CHMP5: variants seen among roughly 807,000 people sequenced by gnomAD.
CHMP5 encodes charged multivesicular body protein 5, also known as SNF7 domain containing 2.
A neutral mutation model predicts 33.0 loss-of-function variants in CHMP5; 17 were observed. The observed-to-expected ratio is 0.52, with a 90% CI of 0.35 to 0.77. CHMP5 has a LOEUF of 0.77. Ranked by LOEUF, CHMP5 falls within the 30% of genes least tolerant of loss-of-function variation. The probability of loss-of-function intolerance (pLI) is 0.01; values close to 1 mark genes in which losing one functional copy is unlikely to be tolerated. For missense variants in CHMP5, 216 were observed against 261.5 expected (o/e 0.83, Z 1.20); for synonymous variants, 76 against 90.2 (o/e 0.84, Z 0.89).
intron 3 of CHMP5, among the ~76,000 whole-genome samples, chr9:33,268,754 A>G (rs915836539): frequency 6.6e-6 from 1 of 152,236 alleles, no homozygotes; most frequent in African/African-American, 2.4e-5. Flanking sequence ...TGGAAAATAC[A>G]TAAATATGAA....
intron 2 of CHMP5, among the ~76,000 whole-genome samples, chr9:33,267,131 G>T (rs1820736641): frequency 6.6e-6 from 1 of 152,208 alleles, no homozygotes; most frequent in South Asian, 2.1e-4. Context: ...TATGAGTTAT[G>T]ATCATCTGTG....
chr9:33,278,735 C>G (rs1820885339), intron 7 of CHMP5, among the ~76,000 whole-genome samples: 1 of 151,372 alleles, frequency 6.6e-6, no homozygotes, highest in Non-Finnish European at 1.5e-5. Context: ...TAGAAAGATT[C>G]TAATTTAAGG....
intron 5 of CHMP5, among the ~76,000 whole-genome samples, chr9:33,273,039 G>A (rs1235672044): frequency 1.3e-5 from 2 of 151,654 alleles, no homozygotes; most frequent in East Asian, 3.9e-4. Flanking sequence ...GTGTGATCTC[G>A]GCTCACTGCA....
rs764527437 is a variant in CHMP5 at position 33,276,601 on chromosome 9, G to A, written c.496+37G>A. The A allele has an allele frequency of 3.0e-5, 35 of 1,161,898 alleles. No individual in the cohort carries two copies. The South Asian group carries it at 4.4e-4, about 15-fold the overall frequency. The allele number at this position is 1,161,898 out of a possible 1,614,324, so 72.0% of individuals were successfully genotyped here. A position where few individuals can be genotyped will look rare whatever the true frequency, so the allele number is the denominator to read the frequency against. On this transcript the variant is annotated intron_variant, in intron 6 of 7. Coordinates refer to ENST00000223500, the MANE Select transcript of CHMP5 (RefSeq NM_016410.6). ...GAAAAGTAATGTATATTTAGTTTTG[G>A]AGTCCAAAAGCAACAGCTGCCTGGG...
chr9:33,280,112 G>A (rs1043777901), intron 7 of CHMP5, among the ~76,000 whole-genome samples: 1 of 151,970 alleles, frequency 6.6e-6, no homozygotes, highest in African/African-American at 2.4e-5. Flanking sequence ...AAGTAGCTGA[G>A]ATTACAGGCA....
intron 5 of CHMP5, among the ~76,000 whole-genome samples, chr9:33,274,299 C>T (rs986040635): frequency 2.6e-5 from 4 of 152,094 alleles, no homozygotes; most frequent in African/African-American, 9.7e-5. Context: ...GTCCCAAACT[C>T]CTGAGCTCAA....
In CHMP5 at chr9:33,280,964, C is replaced by G; in HGVS notation, c.*105C>G. 2.3e-6 allele frequency: 2 copies of G among 880,610 alleles called. No homozygotes were observed. The highest frequency in any genetic ancestry group is 3.4e-6 in the Non-Finnish European group (2 of 581,008). 54.5% of individuals were successfully genotyped at this position (880,610 alleles called of 1,614,324 possible). A position where few individuals can be genotyped will look rare whatever the true frequency, so the allele number is the denominator to read the frequency against. On this transcript the variant is annotated 3_prime_UTR_variant, in exon 8 of 8. Coordinates refer to ENST00000223500, the MANE Select transcript of CHMP5 (RefSeq NM_016410.6). The stretch of plus-strand genomic sequence containing the variant: ...TAACAGATTTAGGTTTCTTTCCTTT[C>G]TTTGAAGGAAAGTTTAATTACATTG...
chr9:33,279,534 A>G (rs536423906), intron 7 of CHMP5, among the ~76,000 whole-genome samples: 12 of 152,134 alleles, frequency 7.9e-5, no homozygotes, highest in South Asian at 4.1e-4. Flanking sequence ...TTTTATTAAT[A>G]CTACCATAGT....
At position 33,265,113 on chromosome 9, in the gene CHMP5, C is replaced by T. The variant is rs763547901; in HGVS notation, c.35C>T (p.Ala12Val). 2.5e-5 allele frequency: 41 copies of T among 1,614,092 alleles called. No individual in the cohort carries two copies. Among genetic ancestry groups the T allele is most frequent in the Non-Finnish European group, 3.5e-5 (41 of 1,180,034 alleles). ...NRLFGKAKPK[A>V]PPPSLTDCIG... ...CTCTTCGGGAAAGCGAAACCCAAGG[C>T]TCCGCCGCCCAGCCTGACTGACTGC... The change falls in exon 1 of 8, where the codon GCT becomes GTT. Residue 12 changes from alanine (A) to valine (V), a missense_variant. Physicochemically the swap from Ala to Val is moderately conservative, Grantham distance 64. Coordinates refer to ENST00000223500, the MANE Select transcript of CHMP5 (RefSeq NM_016410.6).
chr9:33,265,146 C>T lies in CHMP5; in HGVS notation c.68C>T (p.Thr23Met). The change falls in exon 1 of 8, where the codon ACG becomes ATG. Residue 23 changes from threonine (T) to methionine (M), a missense_variant and splice_region_variant. Physicochemically the swap from Thr to Met is moderately conservative, Grantham distance 81. Coordinates refer to ENST00000223500, the MANE Select transcript of CHMP5 (RefSeq NM_016410.6). ...PPPSLTDCIG[T>M]VDSRAESIDK... ...CCCAGCCTGACTGACTGCATTGGCACGGTGGGCATTTGATCATGCATAAGT... is the reference window on the plus strand; with the variant it reads ...CCCAGCCTGACTGACTGCATTGGCATGGTGGGCATTTGATCATGCATAAGT... 1.2e-6 allele frequency: 2 copies of T among 1,614,074 alleles called. No homozygotes were observed. The highest frequency in any genetic ancestry group is 1.7e-6 in the Non-Finnish European group (2 of 1,179,960).
chr9:33,282,053 AAACATTTAGG>A lies in CHMP5; in HGVS notation c.*1199_*1208del, dbSNP rs1242721429. ...TCATGTGTCTGCAGATCAAACCAAT[AAACATTTAGG>A]AACACCAGCTTTGTAGAAGTCTCTG... On this transcript the variant is annotated 3_prime_UTR_variant, in exon 8 of 8. Coordinates refer to ENST00000223500, the MANE Select transcript of CHMP5 (RefSeq NM_016410.6). The A allele has an allele frequency of 2.6e-5, 4 of 152,180 alleles. No homozygotes were observed. 9.4% of individuals were successfully genotyped at this position (152,180 alleles called of 1,614,324 possible).
At position 33,280,939 on chromosome 9, in the gene CHMP5, TA is replaced by T; in HGVS notation, c.*82del. 2 of 1,248,198 alleles carry T rather than the reference TA, an allele frequency of 1.6e-6. No homozygotes were observed. The highest frequency in any genetic ancestry group is 2.9e-5 in the South Asian group (2 of 68,600). The allele number at this position is 1,248,198 out of a possible 1,614,324, so 77.3% of individuals were successfully genotyped here. On this transcript the variant is annotated 3_prime_UTR_variant, in exon 8 of 8. Transcript: ENST00000223500. ...AATATTTATCTTTCCAAATTTGCCA[TA>T]ACAGATTTAGGTTTCTTTCCTTTCT...
chr9:33,267,855 T>C lies in CHMP5; in HGVS notation c.177T>C (p.Asn59=). 6.2e-7 allele frequency: 1 copy of C among 1,608,322 alleles called. No individual in the cohort carries two copies. The highest frequency in any genetic ancestry group is 8.5e-7 in the Non-Finnish European group (1 of 1,174,912). ...IKKMREGPAK[N]MVKQKALRVL... is the part of the protein sequence containing the mutation. ...ATTAAATCTGTTTTTCTCTCCAGAATATGGTCAAGCAGAAAGCCTTGCGAG... is the reference window on the plus strand; with the variant it reads ...ATTAAATCTGTTTTTCTCTCCAGAACATGGTCAAGCAGAAAGCCTTGCGAG... Residue 59 remains asparagine (N), a splice_region_variant and synonymous_variant, in exon 3 of 8, where the codon AAT becomes AAC. Coordinates refer to ENST00000223500, the MANE Select transcript of CHMP5 (RefSeq NM_016410.6).
chr9:33,273,272 A>ATT (rs11294477), intron 5 of CHMP5, among the ~76,000 whole-genome samples: 21 of 147,154 alleles, frequency 1.4e-4, no homozygotes, highest in South Asian at 8.5e-4. Context: ...ACTCCCAGCC[A>ATT]TTTTTTTTTT....
intron 1 of CHMP5, 55 bp from the exon 2 acceptor site, chr9:33,265,955 T>C: frequency 8.5e-7 from 1 of 1,170,086 alleles, no homozygotes; most frequent in Non-Finnish European, 1.3e-6. Context: ...TACCTGCCCC[T>C]TCTGGAATAA....
intron 5 of CHMP5, among the ~76,000 whole-genome samples, chr9:33,271,771 A>T (rs1008484222): frequency 6.6e-6 from 1 of 152,206 alleles, no homozygotes; most frequent in Non-Finnish European, 1.5e-5. Flanking sequence ...TAAGTCAAGG[A>T]ACTTCTATAT....
chr9:33,270,606 C>T lies in CHMP5; in HGVS notation c.222-17C>T, dbSNP rs1482994154. On this transcript the variant is annotated splice_polypyrimidine_tract_variant and intron_variant, in intron 3 of 7. Coordinates refer to ENST00000223500, the MANE Select transcript of CHMP5 (RefSeq NM_016410.6). ...ATCTGGTTCATATATTTGCCATTCT[C>T]AATTGACTCTAAAAAGGTATGAGCA... 3 of 1,599,172 alleles carry T rather than the reference C, an allele frequency of 1.9e-6. No homozygotes were observed. The African/African-American group carries it at 4.0e-5, about 21-fold the overall frequency.
chr9:33,265,193 C>G, intron 1 of CHMP5, 46 bp downstream of exon 1: 1 of 1,578,274 alleles, frequency 6.3e-7, no homozygotes, highest in Non-Finnish European at 8.7e-7. Flanking sequence ...CTCTGACACA[C>G]CCGACCCCGC....
At chr9:33,272,976 T>TTTG (rs748198575) in intron 5 of CHMP5, among the ~76,000 whole-genome samples, 1 of 152,130 alleles carries the variant, frequency 6.6e-6, no homozygotes, top group Non-Finnish European at 1.5e-5. Flanking sequence ...CTTGTCTTTT[T>TTTG]TTGTTGTTGT....
Sources: gnomAD v4.1 joint callset for allele counts (sites outside exome capture counted in the v4.1 genomes callset) on GRCh38, gnomAD v4.1.1 for gene constraint, MANE v1.5 for transcripts, NCBI Gene and HGNC (gene_info 2026-07-23, HGNC 2026-07-21) for gene names.